The following LSAMP variants were observed in gnomAD, a reference collection of about 807,000 sequenced individuals.
The protein encoded by LSAMP is limbic system-associated membrane protein.
LSAMP carries 7 observed loss-of-function variants against 38.6 expected under a neutral mutation model. The observed-to-expected ratio is 0.18, with a 90% CI of 0.10 to 0.34. The LOEUF is 0.34. LSAMP is among the 10% of genes least tolerant of loss of function. LSAMP has a pLI of 1.00. For missense variants in LSAMP, 313 were observed against 420.0 expected, an observed-to-expected ratio of 0.75 and a Z score of 2.23; for synonymous variants, 154 against 166.8, an observed-to-expected ratio of 0.92 and a Z score of 0.59.
At chr3:116,314,774 A>G (rs2047606097) in intron 1 of LSAMP, among the ~76,000 whole-genome samples, 1 of 152,160 alleles carries the variant, frequency 6.6e-6, no homozygotes, top group South Asian at 2.1e-4. Context: ...CATCTATATA[A>G]AACTGAACTC....
chr3:116,109,363 G>A (rs1203615596), intron 1 of LSAMP, among the ~76,000 whole-genome samples: 1 of 152,056 alleles, frequency 6.6e-6, no homozygotes, highest in Non-Finnish European at 1.5e-5. Flanking sequence ...TTGGCCTGGC[G>A]AGGAGGGGAG....
intron 3 of LSAMP, among the ~76,000 whole-genome samples, chr3:115,945,658 C>G (rs6808669): frequency 0.35 from 53,479 of 151,970 alleles, 10,499 homozygotes; most frequent in South Asian, 0.61. Context: ...CTGGTCCTAG[C>G]ATCCAACCAC....
intron 1 of LSAMP, among the ~76,000 whole-genome samples, chr3:116,120,497 A>T (rs1708850416): frequency 1.3e-5 from 2 of 152,224 alleles, no homozygotes; most frequent in East Asian, 1.9e-4. Context: ...ACTGAAGTTC[A>T]TGGGTGAGGG....
intron 1 of LSAMP, among the ~76,000 whole-genome samples, chr3:116,329,578 G>A (rs1036458387): frequency 5.3e-5 from 8 of 152,000 alleles, no homozygotes; most frequent in Non-Finnish European, 2.9e-5. Context: ...CAAATTCTTA[G>A]CTATCAAAAA....
At chr3:115,853,123 G>T (rs1477800917) in intron 3 of LSAMP, among the ~76,000 whole-genome samples, 1 of 152,230 alleles carries the variant, frequency 6.6e-6, no homozygotes, top group African/African-American at 2.4e-5. Flanking sequence ...ACACCATGCT[G>T]CAAAGCACTC....
intron 3 of LSAMP, among the ~76,000 whole-genome samples, chr3:115,918,201 T>A (rs990456112): frequency 6.6e-6 from 1 of 152,184 alleles, no homozygotes; most frequent in Non-Finnish European, 1.5e-5. Context: ...TAGTAGCTTC[T>A]TACGTAGGGA....
chr3:116,265,414 T>C (rs894349538), intron 1 of LSAMP, among the ~76,000 whole-genome samples: 16 of 152,174 alleles, frequency 1.1e-4, no homozygotes, highest in African/African-American at 3.4e-4. Context: ...TTTGACAATG[T>C]AGTAACTTTT....
At chr3:115,988,156 C>T (rs567707853) in intron 3 of LSAMP, among the ~76,000 whole-genome samples, 6 of 152,198 alleles carry the variant, frequency 3.9e-5, no homozygotes, top group African/African-American at 1.4e-4. Context: ...CATTGAGTAA[C>T]TTCTTTATTT....
intron 1 of LSAMP, among the ~76,000 whole-genome samples, chr3:116,095,566 T>C (rs1254255740): frequency 2.0e-5 from 3 of 152,334 alleles, no homozygotes; most frequent in East Asian, 1.9e-4. Flanking sequence ...ATTCCTATTG[T>C]TGTCACATCA....
At chr3:116,180,054 T>C (rs1710447933) in intron 1 of LSAMP, among the ~76,000 whole-genome samples, 1 of 152,184 alleles carries the variant, frequency 6.6e-6, no homozygotes, top group Non-Finnish European at 1.5e-5. Context: ...TTGCTCATTT[T>C]CGTTCAATCA....
chr3:116,110,825 C>A (rs1010069843), intron 1 of LSAMP, among the ~76,000 whole-genome samples: 1 of 152,100 alleles, frequency 6.6e-6, no homozygotes, highest in African/African-American at 2.4e-5. Context: ...GTGAAGAGAC[C>A]ACCAAACAGG....
chr3:116,152,359 A>C (rs1709632329), intron 1 of LSAMP, among the ~76,000 whole-genome samples: 1 of 152,114 alleles, frequency 6.6e-6, no homozygotes, highest in Non-Finnish European at 1.5e-5. Flanking sequence ...TTAATATCTA[A>C]AAAGTAGTTT....
chr3:115,867,332 A>G (rs771248616), intron 3 of LSAMP, among the ~76,000 whole-genome samples: 7 of 152,116 alleles, frequency 4.6e-5, no homozygotes, highest in Non-Finnish European at 8.8e-5. Context: ...CTGGAAGGGT[A>G]AACCTTATTG....
chr3:116,172,161 CTGAG>C (rs1710216930), intron 1 of LSAMP, among the ~76,000 whole-genome samples: 3 of 151,676 alleles, frequency 2.0e-5, no homozygotes, highest in Admixed American at 1.3e-4. Flanking sequence ...ATGTCAGGTA[CTGAG>C]TAAGTGTCTA....
intron 1 of LSAMP, among the ~76,000 whole-genome samples, chr3:116,275,617 G>T (rs1456098823): frequency 6.6e-6 from 1 of 152,062 alleles, no homozygotes; most frequent in Non-Finnish European, 1.5e-5. Context: ...GACTGCTGCA[G>T]AAAAATTGTG....
chr3:116,127,034 C>T (rs1709023809), intron 1 of LSAMP, among the ~76,000 whole-genome samples: 1 of 152,140 alleles, frequency 6.6e-6, no homozygotes, highest in Non-Finnish European at 1.5e-5. Flanking sequence ...CTGGTTTAGA[C>T]TTTAATTATT....
rs185098435 is a variant in LSAMP, at chr3:115,991,897, C to G, written c.514+27618G>C. Reference sequence around the variant, plus strand: ...TCCAATGGCAGGAATAAGGCCATGCCATGCCCCAGGGTAAAGGAGAAAGGA... The same window carrying G: ...TCCAATGGCAGGAATAAGGCCATGCGATGCCCCAGGGTAAAGGAGAAAGGA... On this transcript the variant is annotated intron_variant, in intron 3 of 6. Transcript: ENST00000490035. Among the ~76,000 whole-genome samples, 28 of 152,106 alleles carry G rather than the reference C, an allele frequency of 1.8e-4. No homozygotes were observed. In the Middle Eastern group the frequency reaches 0.014, roughly 74 times the overall value.
At chr3:115,978,343 C>A (rs532730646) in intron 3 of LSAMP, among the ~76,000 whole-genome samples, 1 of 152,106 alleles carries the variant, frequency 6.6e-6, no homozygotes, top group Admixed American at 6.6e-5. Flanking sequence ...TAAGGGAGGG[C>A]AGACATGATA....
intron 1 of LSAMP, among the ~76,000 whole-genome samples, chr3:116,435,040 T>C (rs2049331713): frequency 6.6e-6 from 1 of 152,156 alleles, no homozygotes; most frequent in Non-Finnish European, 1.5e-5. Context: ...GAAGCACTAG[T>C]TCAGTTCTTA....
Sources: allele counts gnomAD v4.1 joint callset (sites outside exome capture counted in the v4.1 genomes callset), GRCh38; gene constraint gnomAD v4.1.1; transcripts MANE v1.5; gene names NCBI Gene and HGNC (gene_info 2026-07-23, HGNC 2026-07-21).